TPRG1: variants seen among roughly 807,000 people sequenced by gnomAD.
TPRG1 encodes tumor protein p63-regulated gene 1 protein.
A neutral mutation model predicts 29.3 loss-of-function variants in TPRG1; 29 were observed. The ratio of observed to expected loss-of-function variants is 0.99; its 90% CI spans 0.74 to 1.35. The LOEUF is 1.35. Ranked by LOEUF, TPRG1 falls within the 40% of genes most tolerant of loss-of-function variation. TPRG1 has a pLI of 0.00. For synonymous variants in TPRG1, 130 were observed against 116.8 expected, an observed-to-expected ratio of 1.11 and a Z score of -0.73; for missense variants, 327 against 335.0, an observed-to-expected ratio of 0.98 and a Z score of 0.19.
At chr3:189,241,503 TC>T (rs1740587668) in intron 4 of TPRG1, among the ~76,000 whole-genome samples, 2 of 152,140 alleles carry the variant, frequency 1.3e-5, no homozygotes, top group African/African-American at 4.8e-5. Context: ...AGAACTGAAT[TC>T]CTTTTCTGTC....
At chr3:189,241,684 C>T (rs1316970428) in intron 4 of TPRG1, among the ~76,000 whole-genome samples, 1 of 152,100 alleles carries the variant, frequency 6.6e-6, no homozygotes. Context: ...GGGAGGGACC[C>T]ATGGAGAGGT....
In TPRG1 at chr3:189,310,374, C is replaced by G; in HGVS notation, c.480-12C>G. ...GAAATGACTAATCTAATGGAAAACG[C>G]CTTTCTTGTAGGAGACAAGGAGAAG... On this transcript the variant is annotated splice_polypyrimidine_tract_variant and intron_variant, in intron 4 of 5. Transcript: ENST00000345063. The G allele has an allele frequency of 6.4e-7, 1 of 1,574,052 alleles. No homozygotes were observed. Among genetic ancestry groups the G allele is most frequent in the Middle Eastern group, 1.7e-4 (1 of 5,802 alleles).
At chr3:188,997,538 G>A (rs1433281742) in intron 1 of TPRG1, among the ~76,000 whole-genome samples, 1 of 152,150 alleles carries the variant, frequency 6.6e-6, no homozygotes, top group African/African-American at 2.4e-5. Context: ...CAGTTTGCCA[G>A]AGGCTGAGAG....
chr3:189,255,188 A>C (rs1235700787), intron 4 of TPRG1, among the ~76,000 whole-genome samples: 1 of 152,124 alleles, frequency 6.6e-6, no homozygotes, highest in Non-Finnish European at 1.5e-5. Context: ...TTATTTTGAG[A>C]TATGTTCCAT....
intron 1 of TPRG1, among the ~76,000 whole-genome samples, chr3:189,189,420 G>C (rs1180521874): frequency 1.3e-5 from 2 of 151,898 alleles, no homozygotes; most frequent in Non-Finnish European, 1.5e-5. Flanking sequence ...ACTACATTTA[G>C]ATAGTTGTCA....
At chr3:189,148,584 A>G (rs1005197032) in intron 4 of TPRG1, among the ~76,000 whole-genome samples, 1 of 152,202 alleles carries the variant, frequency 6.6e-6, no homozygotes, top group African/African-American at 2.4e-5. Context: ...CTGGCTGGTA[A>G]GTAAGGAGCA....
At chr3:189,027,399 G>C (rs770449954) in intron 4 of TPRG1, among the ~76,000 whole-genome samples, 1 of 152,180 alleles carries the variant, frequency 6.6e-6, no homozygotes, top group Non-Finnish European at 1.5e-5. Context: ...ACTAAGTAAG[G>C]TATGTAAATA....
chr3:189,186,643 A>G (rs2108722574), intron 1 of TPRG1, among the ~76,000 whole-genome samples: 1 of 152,224 alleles, frequency 6.6e-6, no homozygotes, highest in South Asian at 2.1e-4. Context: ...TAAGAGCTCC[A>G]TCTTGTATTA....
At chr3:189,209,896 G>C (rs1240705086) in intron 2 of TPRG1, among the ~76,000 whole-genome samples, 3 of 152,154 alleles carry the variant, frequency 2.0e-5, no homozygotes, top group African/African-American at 4.8e-5. Context: ...AAGATACTCA[G>C]TGTTTGCCCT....
intron 4 of TPRG1, among the ~76,000 whole-genome samples, chr3:189,298,235 G>A (rs559445501): frequency 3.2e-4 from 49 of 152,172 alleles, no homozygotes; most frequent in African/African-American, 1.0e-3. Context: ...TTCTTTGCCC[G>A]CCTGAATTTC....
chr3:189,239,402 G>A (rs1351195572), intron 4 of TPRG1, among the ~76,000 whole-genome samples: 6 of 152,160 alleles, frequency 3.9e-5, no homozygotes, highest in Non-Finnish European at 5.9e-5. Flanking sequence ...TGAATTCTGG[G>A]AGATACAATT....
intron 5 of TPRG1, among the ~76,000 whole-genome samples, chr3:189,156,620 A>T (rs1448571470): frequency 6.6e-6 from 1 of 152,182 alleles, no homozygotes; most frequent in Non-Finnish European, 1.5e-5. Context: ...CTATGCTAAG[A>T]GGATAAACCA....
At chr3:189,196,192 C>G (rs1225098681) in intron 1 of TPRG1, among the ~76,000 whole-genome samples, 1 of 152,154 alleles carries the variant, frequency 6.6e-6, no homozygotes, top group Non-Finnish European at 1.5e-5. Flanking sequence ...GATCTAATTT[C>G]TTATTTGTAA....
At chr3:189,251,928 C>T (rs1178041288) in intron 4 of TPRG1, among the ~76,000 whole-genome samples, 2 of 152,140 alleles carry the variant, frequency 1.3e-5, no homozygotes, top group Non-Finnish European at 2.9e-5. Flanking sequence ...TTATGGGTGT[C>T]CGGCTGGGGG....
chr3:189,121,946 G>C (rs1466048386), intron 1 of TPRG1: 1 of 151,826 alleles, frequency 6.6e-6, no homozygotes, highest in East Asian at 1.9e-4. Flanking sequence ...TTGAGAGAAA[G>C]CAGTGTTTTT....
At chr3:189,228,532 T>C (rs558381686) in intron 3 of TPRG1, among the ~76,000 whole-genome samples, 4 of 152,314 alleles carry the variant, frequency 2.6e-5, no homozygotes, top group African/African-American at 9.6e-5. Flanking sequence ...TATATCATCA[T>C]ATCAACTGAT....
At chr3:189,079,694 A>G (rs1717455676) in intron 4 of TPRG1, among the ~76,000 whole-genome samples, 1 of 152,198 alleles carries the variant, frequency 6.6e-6, no homozygotes, top group South Asian at 2.1e-4. Flanking sequence ...TGCACTCCCC[A>G]TATCCCAGTA....
intron 1 of TPRG1, among the ~76,000 whole-genome samples, chr3:189,115,797 C>T (rs757353158): frequency 6.6e-6 from 1 of 152,096 alleles, no homozygotes; most frequent in Non-Finnish European, 1.5e-5. Context: ...GAGAGAAATA[C>T]GAAGGTCTAA....
At chr3:189,228,126 C>T (rs1738062463) in intron 3 of TPRG1, among the ~76,000 whole-genome samples, 1 of 152,106 alleles carries the variant, frequency 6.6e-6, no homozygotes, top group Non-Finnish European at 1.5e-5. Flanking sequence ...ATCTCAACAA[C>T]AACAGCAATA....
Sources: gnomAD v4.1 joint callset for allele counts (sites outside exome capture counted in the v4.1 genomes callset) on GRCh38, gnomAD v4.1.1 for gene constraint, MANE v1.5 for transcripts, NCBI Gene and HGNC (gene_info 2026-07-23, HGNC 2026-07-21) for gene names.